Variants in TTC13 observed in about 807,000 individuals in gnomAD.
The protein encoded by TTC13 is tetratricopeptide repeat protein 13.
In TTC13, 62 loss-of-function variants were observed where a neutral mutation model predicts 120.0. The ratio of observed to expected loss-of-function variants is 0.52; its 90% CI spans 0.42 to 0.64. The LOEUF (loss-of-function observed/expected upper bound fraction) is 0.64, where lower values mean the gene tolerates loss of function less well. Among genes scored for constraint, TTC13 ranks in the 30% least tolerant of loss-of-function variants. The pLI is 0.00. For missense variants in TTC13, 824 were observed against 1,050.2 expected, an observed-to-expected ratio of 0.78 and a Z score of 2.98; for synonymous variants, 384 against 393.5, an observed-to-expected ratio of 0.98 and a Z score of 0.28.
chr1:230,936,688 G>GCAATACTAAATATGCAATCC, intron 8 of TTC13: 1 of 156,920 alleles, frequency 6.4e-6, no homozygotes, highest in Non-Finnish European at 1.4e-5. Context: ...ACATCATATA[G>GCAATACTAAATATGCAATCC]TAAATAAGCA....
At chr1:230,961,676 T>C (rs1676648820) in intron 1 of TTC13, among the ~76,000 whole-genome samples, 2 of 152,182 alleles carry the variant, frequency 1.3e-5, no homozygotes, top group African/African-American at 4.8e-5. Context: ...TCACCACCAT[T>C]CTCAAATGAG....
At chr1:230,933,416 A>G (rs1024276602) in intron 9 of TTC13, among the ~76,000 whole-genome samples, 3 of 152,152 alleles carry the variant, frequency 2.0e-5, no homozygotes, top group Non-Finnish European at 4.4e-5. Flanking sequence ...CCTTCATTCT[A>G]GGACTCTTCA....
In TTC13 at chr1:230,978,355, CA is replaced by C. The variant is rs1678580083; in HGVS notation, c.271+204del. On this transcript the variant is annotated intron_variant, in intron 1 of 22. Transcript: ENST00000366661. The surrounding 1 kb of genome is among the most constrained non-coding windows in gnomAD (Gnocchi z 5.6). ...TCATTTCTCGACTCGCCGCCCTGCC[CA>C]AAGGCGGCTGCAGGAGGGCGCGCGG... 6.6e-6 allele frequency among the ~76,000 whole-genome samples: 1 copy of C among 152,102 alleles called. No homozygotes were observed. The highest frequency in any genetic ancestry group is 6.5e-5 in the Admixed American group (1 of 15,278).
intron 15 of TTC13, among the ~76,000 whole-genome samples, chr1:230,922,164 C>T (rs903920545): frequency 6.6e-6 from 1 of 152,276 alleles, no homozygotes; most frequent in African/African-American, 2.4e-5. Context: ...ACCTACTTTT[C>T]GTTCTGGTGC....
At chr1:230,928,738 A>T (rs951191572) in intron 12 of TTC13, among the ~76,000 whole-genome samples, 199 bp downstream of exon 12, 2 of 152,028 alleles carry the variant, frequency 1.3e-5, no homozygotes, top group Admixed American at 6.6e-5. Context: ...TTGTTTTTAG[A>T]GATGGGGTCT....
Position 230,954,404 on chromosome 1 carries a change from C to T in TTC13, c.443-1G>A. On this transcript the variant is annotated splice_acceptor_variant, in intron 3 of 22. Coordinates refer to ENST00000366661, the MANE Select transcript of TTC13 (RefSeq NM_024525.5). LOFTEE classifies it high-confidence loss of function. Reference sequence around the variant, plus strand: ...CTGCCAATCAAGACATAAGCAATAGCTATGAAACAAAATACAAAAATATTA... The same window carrying T: ...CTGCCAATCAAGACATAAGCAATAGTTATGAAACAAAATACAAAAATATTA... The T allele has an allele frequency of 1.2e-6, 2 of 1,604,614 alleles. No individual in the cohort carries two copies. Among genetic ancestry groups the T allele is most frequent in the Non-Finnish European group, 8.5e-7 (1 of 1,174,076 alleles).
At chr1:230,922,982 C>T (rs1184849326) in intron 15 of TTC13, among the ~76,000 whole-genome samples, 2 of 151,936 alleles carry the variant, frequency 1.3e-5, no homozygotes, top group Non-Finnish European at 2.9e-5. Flanking sequence ...ATATACAAGT[C>T]ACAAGGTGAA....
chr1:230,955,448 G>T (rs1250295137), intron 3 of TTC13, among the ~76,000 whole-genome samples: 3 of 144,452 alleles, frequency 2.1e-5, no homozygotes, highest in Non-Finnish European at 3.1e-5. Flanking sequence ...CAGATCACAA[G>T]GTCAGGAGAT....
At chr1:230,916,612 T>C (rs1672057106) in intron 17 of TTC13, among the ~76,000 whole-genome samples, 1 of 152,220 alleles carries the variant, frequency 6.6e-6, no homozygotes, top group Admixed American at 6.5e-5. Context: ...TGTTTTCTCA[T>C]GTCCATCTTA....
intron 3 of TTC13, among the ~76,000 whole-genome samples, chr1:230,956,769 C>A (rs572770575): frequency 1.3e-5 from 2 of 152,140 alleles, no homozygotes; most frequent in Non-Finnish European, 2.9e-5. Context: ...AAAGAATAAT[C>A]ATAACCCAAA....
chr1:230,972,694 A>G (rs1677889719), intron 1 of TTC13, among the ~76,000 whole-genome samples: 1 of 152,236 alleles, frequency 6.6e-6, no homozygotes, highest in Non-Finnish European at 1.5e-5. Flanking sequence ...CTCCACCCAG[A>G]GATTAAAAAA....
intron 14 of TTC13, 31 bp downstream of exon 14, chr1:230,924,808 CTT>C (rs753995801): frequency 3.1e-6 from 5 of 1,613,376 alleles, no homozygotes; most frequent in Non-Finnish European, 4.2e-6. Flanking sequence ...AATGATAAGA[CTT>C]ATAGTTTATT....
intron 1 of TTC13, among the ~76,000 whole-genome samples, chr1:230,966,815 C>T (rs1017251663): frequency 6.6e-6 from 1 of 152,082 alleles, no homozygotes; most frequent in Non-Finnish European, 1.5e-5. Context: ...AAAATGAGCC[C>T]GAGGAACCTG....
At chr1:230,958,727 A>G (rs1315206439) in intron 2 of TTC13, among the ~76,000 whole-genome samples, 1 of 152,230 alleles carries the variant, frequency 6.6e-6, no homozygotes, top group Admixed American at 6.5e-5. Context: ...ATGGTGGCTC[A>G]CGCCTTTAAT....
At chr1:230,925,413 G>T in intron 13 of TTC13, 104 bp downstream of exon 13, 1 of 1,294,834 alleles carries the variant, frequency 7.7e-7, no homozygotes, top group Non-Finnish European at 1.1e-6. Context: ...TGGAGAATTT[G>T]AATAAGCACA....
At chr1:230,934,459 A>C (rs929528937) in intron 8 of TTC13, among the ~76,000 whole-genome samples, 1 of 152,220 alleles carries the variant, frequency 6.6e-6, no homozygotes, top group Non-Finnish European at 1.5e-5. Context: ...TCGGCCTAAC[A>C]CCAAGTCTGT....
intron 9 of TTC13, among the ~76,000 whole-genome samples, chr1:230,933,075 C>A (rs937989190): frequency 3.3e-5 from 5 of 151,898 alleles, no homozygotes; most frequent in African/African-American, 1.2e-4. Flanking sequence ...CGGGTTCAAG[C>A]GATTCTCCAG....
At chr1:230,951,274 T>C (rs549653860) in intron 4 of TTC13, among the ~76,000 whole-genome samples, 1 of 152,202 alleles carries the variant, frequency 6.6e-6, no homozygotes, top group East Asian at 1.9e-4. Context: ...ACAGTGATTC[T>C]AATAAAATCC....
At chr1:230,922,764 T>A (rs896218932) in intron 15 of TTC13, among the ~76,000 whole-genome samples, 2 of 152,202 alleles carry the variant, frequency 1.3e-5, no homozygotes, top group African/African-American at 4.8e-5. Flanking sequence ...ATCCTGTGCA[T>A]GTGATCAGCT....
Sources: allele counts gnomAD v4.1 joint callset (sites outside exome capture counted in the v4.1 genomes callset), GRCh38; gene constraint gnomAD v4.1.1; non-coding constraint Gnocchi (gnomAD v3.1); transcripts MANE v1.5; gene names NCBI Gene and HGNC (gene_info 2026-07-23, HGNC 2026-07-21).